ZNRF1: variants seen among roughly 807,000 people sequenced by gnomAD.
ZNRF1 encodes the protein E3 ubiquitin-protein ligase ZNRF1.
A neutral mutation model predicts 18.4 loss-of-function variants in ZNRF1; 3 were observed. The ratio of observed to expected loss-of-function variants is 0.16; its 90% CI spans 0.07 to 0.42. The LOEUF is 0.42. ZNRF1 is among the 10% of genes least tolerant of loss of function. The pLI, the probability that ZNRF1 is intolerant of heterozygous loss-of-function variation, is 0.99. For missense variants in ZNRF1, 310 were observed against 329.8 expected (o/e 0.94, Z 0.47); for synonymous variants, 157 against 144.2 (o/e 1.09, Z -0.64).
chr16:75,063,747 C>T (rs892004670), intron 1 of ZNRF1, among the ~76,000 whole-genome samples: 1 of 152,138 alleles, frequency 6.6e-6, no homozygotes, highest in African/African-American at 2.4e-5. Flanking sequence ...CGCCACCAAG[C>T]TCTGTGAGTG....
intron 1 of ZNRF1, among the ~76,000 whole-genome samples, chr16:75,025,438 C>G (rs2145341608): frequency 6.6e-6 from 1 of 152,260 alleles, no homozygotes. Context: ...CTATTCACAG[C>G]ACACTTCTCC....
rs1227014161 is a variant in ZNRF1 at position 75,036,663 on chromosome 16, A to T, written c.424+36568A>T. 3.9e-5 allele frequency among the ~76,000 whole-genome samples: 6 copies of T among 152,056 alleles called. No homozygotes were observed. In the East Asian group the frequency reaches 7.7e-4, roughly 20 times the overall value. ...GGTGGACAACCTGTCTAAATGTAGA[A>T]ACAACTTCATTCATTTTCTTTCTCA... is the stretch of plus-strand genomic sequence containing the variant. On this transcript the variant is annotated intron_variant, in intron 1 of 4. Coordinates refer to ENST00000335325, the MANE Select transcript of ZNRF1 (RefSeq NM_032268.5).
At chr16:75,029,303 T>C (rs952343804) in intron 1 of ZNRF1, among the ~76,000 whole-genome samples, 3 of 151,954 alleles carry the variant, frequency 2.0e-5, no homozygotes, top group Non-Finnish European at 2.9e-5. Flanking sequence ...CCCACCACCA[T>C]GCCCGGCTAA....
chr16:75,035,520 CAGA>C (rs1334174121), intron 1 of ZNRF1, among the ~76,000 whole-genome samples: 1 of 152,060 alleles, frequency 6.6e-6, no homozygotes, highest in Admixed American at 6.6e-5. Flanking sequence ...GGAGCATAGG[CAGA>C]AGGAGAGACT....
intron 1 of ZNRF1, among the ~76,000 whole-genome samples, chr16:75,030,280 G>C (rs1302103268): frequency 6.6e-6 from 1 of 152,106 alleles, no homozygotes; most frequent in Non-Finnish European, 1.5e-5. Flanking sequence ...AGAAAGAATA[G>C]TGTTTTCAAT....
At chr16:75,078,534 T>G (rs2035971685) in intron 1 of ZNRF1, among the ~76,000 whole-genome samples, 1 of 152,042 alleles carries the variant, frequency 6.6e-6, no homozygotes, top group African/African-American at 2.4e-5. Flanking sequence ...CCCAACCTCA[T>G]GTGATCCACC....
Position 75,000,103 on chromosome 16 carries a change from C to A in ZNRF1, c.424+8C>A. ...GGTTCAGCTCGCATAGTGGTGAGTC[C>A]GCGGGTGGTGGAGGCCTCGGAGGGA... is the stretch of plus-strand genomic sequence containing the variant. On this transcript the variant is annotated splice_region_variant and intron_variant, in intron 1 of 4. Coordinates refer to ENST00000335325, the MANE Select transcript of ZNRF1 (RefSeq NM_032268.5). The A allele has an allele frequency of 3.1e-6, 5 of 1,596,314 alleles. No homozygotes were observed. The highest frequency in any genetic ancestry group is 4.3e-6 in the Non-Finnish European group (5 of 1,172,970).
intron 1 of ZNRF1, among the ~76,000 whole-genome samples, chr16:75,074,008 G>A (rs1164587040): frequency 6.6e-6 from 1 of 152,096 alleles, no homozygotes; most frequent in East Asian, 1.9e-4. Context: ...GAATCTTGCA[G>A]TGCTACCACC....
intron 1 of ZNRF1, among the ~76,000 whole-genome samples, chr16:75,002,678 C>T (rs953178540): frequency 6.6e-6 from 1 of 152,190 alleles, no homozygotes; most frequent in Non-Finnish European, 1.5e-5. Context: ...CTCTCTTGAG[C>T]CTTATCTTTG....
Position 75,108,415 on chromosome 16 carries a change from C to G in ZNRF1, c.*715C>G. The G allele has an allele frequency of 2.5e-6, 1 of 393,670 alleles. No homozygotes were observed. Among genetic ancestry groups the G allele is most frequent in the Non-Finnish European group, 4.5e-6 (1 of 223,708 alleles). The allele number at this position is 393,670 out of a possible 1,614,324, so 24.4% of individuals were successfully genotyped here. Reference sequence around the variant, plus strand: ...CAATCACAAGTGTCCTGCAAAAATGCCTGAACATTATTCTTAGGCCCTCGT... The same window carrying G: ...CAATCACAAGTGTCCTGCAAAAATGGCTGAACATTATTCTTAGGCCCTCGT... On this transcript the variant is annotated 3_prime_UTR_variant, in exon 5 of 5. Coordinates refer to ENST00000335325, the MANE Select transcript of ZNRF1 (RefSeq NM_032268.5).
intron 1 of ZNRF1, among the ~76,000 whole-genome samples, chr16:75,037,960 A>G (rs1372757277): frequency 1.3e-5 from 2 of 151,888 alleles, no homozygotes; most frequent in African/African-American, 2.4e-5. Context: ...GTGAACACTT[A>G]TTTTCTTCCT....
At chr16:75,015,373 C>T (rs978197806) in intron 1 of ZNRF1, among the ~76,000 whole-genome samples, 3 of 152,050 alleles carry the variant, frequency 2.0e-5, no homozygotes, top group East Asian at 1.9e-4. Flanking sequence ...CGAGGCGGTT[C>T]GAGACCAGCT....
At position 75,036,568 on chromosome 16, in the gene ZNRF1, C is replaced by CTT. The variant is rs111306434; in HGVS notation, c.424+36487_424+36488dup. On this transcript the variant is annotated intron_variant, in intron 1 of 4. Coordinates refer to ENST00000335325, the MANE Select transcript of ZNRF1 (RefSeq NM_032268.5). Reference sequence around the variant, plus strand: ...TCCTATCCAATACTTTCATCTGTTTCTTTTTTTTTTTTTTTCCCTCTCCTT... The same window carrying CTT: ...TCCTATCCAATACTTTCATCTGTTTCTTTTTTTTTTTTTTTTTCCCTCTCCTT... Among the ~76,000 whole-genome samples, 762 of 137,312 alleles carry CTT rather than the reference C, an allele frequency of 5.5e-3. 5 individuals carry two copies. Among genetic ancestry groups the CTT allele is most frequent in the Non-Finnish European group, 6.8e-3 (428 of 63,206 alleles). 90.1% of individuals were successfully genotyped at this position (137,312 alleles called of 152,430 possible).
chr16:75,091,258 C>T (rs1311572841), intron 1 of ZNRF1, among the ~76,000 whole-genome samples: 3 of 151,548 alleles, frequency 2.0e-5, no homozygotes, highest in East Asian at 4.0e-4. Context: ...ACTCGGGAGG[C>T]TGAGGTGGGA....
intron 2 of ZNRF1, among the ~76,000 whole-genome samples, chr16:75,101,859 C>A (rs928147998): frequency 4.6e-5 from 7 of 152,206 alleles, no homozygotes; most frequent in African/African-American, 1.7e-4. Context: ...CTAGTGCTTT[C>A]AAGCAGGGGG....
At chr16:75,066,137 G>A (rs1192469993) in intron 1 of ZNRF1, among the ~76,000 whole-genome samples, 1 of 152,172 alleles carries the variant, frequency 6.6e-6, no homozygotes, top group Non-Finnish European at 1.5e-5. Context: ...CTCGCTCTTT[G>A]AAGAAACTGA....
chr16:75,012,265 A>G (rs1016789725), intron 1 of ZNRF1, among the ~76,000 whole-genome samples: 4 of 152,234 alleles, frequency 2.6e-5, no homozygotes, highest in Admixed American at 6.5e-5. Context: ...TGGAGTTTCA[A>G]TTAAAACACC....
rs182023379 is a variant in ZNRF1 at position 75,103,560 on chromosome 16, C to T, written c.521-1224C>T. On this transcript the variant is annotated intron_variant, in intron 2 of 4. Coordinates refer to ENST00000335325, the MANE Select transcript of ZNRF1 (RefSeq NM_032268.5). Reference sequence around the variant, plus strand: ...ATGGGTATAACATTTTAGTTATGCACGATGAGTAAGTTCTAGACATCTGCC... The same window carrying T: ...ATGGGTATAACATTTTAGTTATGCATGATGAGTAAGTTCTAGACATCTGCC... Among the ~76,000 whole-genome samples, 52 of 151,960 alleles carry T rather than the reference C, an allele frequency of 3.4e-4. No homozygotes were observed. In the East Asian group the frequency reaches 9.1e-3, roughly 27 times the overall value.
At chr16:75,036,425 C>G (rs753575925) in intron 1 of ZNRF1, among the ~76,000 whole-genome samples, 1 of 152,158 alleles carries the variant, frequency 6.6e-6, no homozygotes, top group Non-Finnish European at 1.5e-5. Context: ...GCCACTACAC[C>G]GGGCTTGATG....
Sources: gnomAD v4.1 joint callset for allele counts (sites outside exome capture counted in the v4.1 genomes callset) on GRCh38, gnomAD v4.1.1 for gene constraint, MANE v1.5 for transcripts, NCBI Gene and HGNC (gene_info 2026-07-23, HGNC 2026-07-21) for gene names.